The following PDCD6IP variants were observed in gnomAD, a reference collection of about 807,000 sequenced individuals.
The protein encoded by PDCD6IP is programmed cell death 6-interacting protein.
PDCD6IP carries 43 observed loss-of-function variants against 103.7 expected under a neutral mutation model. The ratio of observed to expected loss-of-function variants is 0.41; its 90% CI spans 0.32 to 0.53. The LOEUF (loss-of-function observed/expected upper bound fraction) is 0.53. PDCD6IP is among the 20% of genes least tolerant of loss of function. PDCD6IP has a pLI of 0.16. For missense variants in PDCD6IP, 871 were observed against 1,036.7 expected (o/e 0.84, Z 2.20); for synonymous variants, 354 against 378.7 (o/e 0.93, Z 0.76).
chr3:33,828,384 A>C (rs550417850), intron 6 of PDCD6IP: 1 of 152,192 alleles, frequency 6.6e-6, no homozygotes, highest in Non-Finnish European at 1.5e-5. Flanking sequence ...AAACATGATG[A>C]AACAGTAATC....
chr3:33,856,046 C>T (rs1454208832), intron 15 of PDCD6IP, among the ~76,000 whole-genome samples: 4 of 152,192 alleles, frequency 2.6e-5, no homozygotes, highest in Non-Finnish European at 5.9e-5. Context: ...AGATCAGCCA[C>T]AGCATTAGAT....
At chr3:33,824,377 C>A (rs1357950746) in intron 4 of PDCD6IP, among the ~76,000 whole-genome samples, 1 of 151,948 alleles carries the variant, frequency 6.6e-6, no homozygotes, top group Non-Finnish European at 1.5e-5. Context: ...CCTGCCTCAG[C>A]CTCCCGAGCA....
At chr3:33,848,600 T>C (rs934485839) in intron 12 of PDCD6IP, among the ~76,000 whole-genome samples, 4 of 152,180 alleles carry the variant, frequency 2.6e-5, no homozygotes, top group African/African-American at 9.7e-5. Flanking sequence ...AGACGGGGTT[T>C]CACCATGTTG....
chr3:33,834,068 T>G (rs1697295788), intron 7 of PDCD6IP, among the ~76,000 whole-genome samples: 1 of 152,160 alleles, frequency 6.6e-6, no homozygotes. Flanking sequence ...CTTATGCCCT[T>G]TCTTCTCCCT....
intron 7 of PDCD6IP, among the ~76,000 whole-genome samples, chr3:33,831,113 C>T (rs931642988): frequency 6.6e-6 from 1 of 152,072 alleles, no homozygotes; most frequent in Non-Finnish European, 1.5e-5. Flanking sequence ...GAGCTTAATA[C>T]AGCTCATGAG....
At chr3:33,837,953 C>T in intron 8 of PDCD6IP, among the ~76,000 whole-genome samples, 1 of 152,194 alleles carries the variant, frequency 6.6e-6, no homozygotes, top group South Asian at 2.1e-4. Context: ...GTGATGAACA[C>T]ATCTGAAAAA....
Position 33,842,091 on chromosome 3 carries a change from T to C in PDCD6IP, c.1359+17T>C, listed in dbSNP as rs1697489016. 2 of 1,561,638 alleles carry C rather than the reference T, an allele frequency of 1.3e-6. No individual in the cohort carries two copies. Among genetic ancestry groups the C allele is most frequent in the Non-Finnish European group, 1.7e-6 (2 of 1,144,384 alleles). Reference sequence around the variant, plus strand: ...CTAGATGAGGTATGTTTTATAAGATTTGCTTTTCAAGTATAAACACTGTGA... The same window carrying C: ...CTAGATGAGGTATGTTTTATAAGATCTGCTTTTCAAGTATAAACACTGTGA... On this transcript the variant is annotated intron_variant, in intron 10 of 17. Coordinates refer to ENST00000307296, the MANE Select transcript of PDCD6IP (RefSeq NM_013374.6).
intron 9 of PDCD6IP, 51 bp from the exon 10 acceptor site, chr3:33,841,846 G>A (rs1697482162): frequency 1.7e-6 from 2 of 1,150,932 alleles, no homozygotes; most frequent in Admixed American, 2.1e-5. Flanking sequence ...GTATTGATGA[G>A]GAGTTAAATT....
At chr3:33,838,110 CTA>C (rs78289090) in intron 8 of PDCD6IP, 92 bp from the exon 9 acceptor site, 284,731 of 1,061,472 alleles carry the variant, frequency 0.27, 40,422 homozygotes, top group Admixed American at 0.44. Context: ...TATTTATAGA[CTA>C]TGTGAATATT....
At chr3:33,842,162 T>G in intron 10 of PDCD6IP, 88 bp downstream of exon 10, 1 of 834,276 alleles carries the variant, frequency 1.2e-6, no homozygotes, top group Non-Finnish European at 2.0e-6. Context: ...TTCCTCATGC[T>G]AGTACAGTGT....
At chr3:33,814,497 T>A (rs977840536) in intron 3 of PDCD6IP, among the ~76,000 whole-genome samples, 2 of 146,066 alleles carry the variant, frequency 1.4e-5, no homozygotes, top group African/African-American at 5.0e-5. Flanking sequence ...AGTGCTTTAT[T>A]AGCTGCAATG....
chr3:33,835,969 A>C, intron 7 of PDCD6IP, 75 bp from the exon 8 acceptor site: 1 of 865,072 alleles, frequency 1.2e-6, no homozygotes. Flanking sequence ...ACCAATGCTT[A>C]AATACTTGGT....
At chr3:33,830,731 A>T (rs954538529) in intron 7 of PDCD6IP, among the ~76,000 whole-genome samples, 2 of 152,154 alleles carry the variant, frequency 1.3e-5, no homozygotes, top group African/African-American at 4.8e-5. Context: ...AACACAGAAC[A>T]CACTCACTGA....
In PDCD6IP at chr3:33,843,877, CT is replaced by C. The variant is rs553570346; in HGVS notation, c.1360-221del. Among the ~76,000 whole-genome samples, 261 of 140,730 alleles carry C rather than the reference CT, an allele frequency of 1.9e-3. 1 individual carries two copies. Among genetic ancestry groups the C allele is most frequent in the East Asian group, 6.5e-3 (32 of 4,942 alleles). 92.3% of individuals were successfully genotyped at this position (140,730 alleles called of 152,430 possible). A position where few individuals can be genotyped will look rare whatever the true frequency, so the allele number is the denominator to read the frequency against. The stretch of plus-strand genomic sequence containing the variant: ...GTAAATAGTCTCTTATTTATTCCTC[CT>C]TTTTTTTTTTTTTACTGAGAAAGGT... On this transcript the variant is annotated intron_variant, in intron 10 of 17. Transcript: ENST00000307296.
chr3:33,851,500 TTC>T (rs756034552), intron 12 of PDCD6IP, among the ~76,000 whole-genome samples: 15 of 152,024 alleles, frequency 9.9e-5, no homozygotes, highest in Non-Finnish European at 1.9e-4. Flanking sequence ...GAGACAGGGT[TTC>T]TCTCTGTCAC....
intron 1 of PDCD6IP, chr3:33,799,208 G>T (rs1357456508): frequency 6.9e-6 from 3 of 433,552 alleles, no homozygotes; most frequent in Admixed American, 7.7e-5. Flanking sequence ...GCAGCAGTCT[G>T]CCCTGTACTG....
At position 33,864,062 on chromosome 3, in the gene PDCD6IP, C is replaced by T. The variant is rs149493155; in HGVS notation, c.2177C>T (p.Ala726Val). The change falls in exon 16 of 18, where the codon GCG becomes GTG. Residue 726 changes from alanine to valine, a missense_variant. Transcript: ENST00000307296. ...AGTGCTCCTTCAATTCCTACACCTG[C>T]GTATCAGTCCTCACCAGCAGGAGGA... ...EPSAPSIPTP[A>V]YQSSPAGGHA... The T allele has an allele frequency of 3.7e-5, 60 of 1,614,040 alleles. No individual in the cohort carries two copies. Among genetic ancestry groups the T allele is most frequent in the African/African-American group, 2.9e-4 (22 of 75,040 alleles).
chr3:33,807,947 C>T (rs1331999940), intron 1 of PDCD6IP, among the ~76,000 whole-genome samples: 1 of 152,268 alleles, frequency 6.6e-6, no homozygotes, highest in African/African-American at 2.4e-5. Context: ...GTTGTTGCCT[C>T]AGACCTTTAG....
At chr3:33,825,082 T>C in intron 4 of PDCD6IP, 105 bp from the exon 5 acceptor site, 2 of 948,818 alleles carry the variant, frequency 2.1e-6, no homozygotes, top group Non-Finnish European at 1.6e-6. Flanking sequence ...AATTTAAATA[T>C]ATTAACTGTT....
Sources: gnomAD v4.1 joint callset for allele counts (sites outside exome capture counted in the v4.1 genomes callset) on GRCh38, gnomAD v4.1.1 for gene constraint, MANE v1.5 for transcripts, NCBI Gene and HGNC (gene_info 2026-07-23, HGNC 2026-07-21) for gene names.